Variants in LTBP1 observed in about 807,000 individuals in gnomAD.
The protein encoded by LTBP1 is latent-transforming growth factor beta-binding protein 1.
In LTBP1, 129 loss-of-function variants were observed where a neutral mutation model predicts 207.6. The observed-to-expected ratio is 0.62, with a 90% CI of 0.54 to 0.72. LTBP1 has a LOEUF of 0.72. Ranked by LOEUF, LTBP1 falls within the 30% of genes least tolerant of loss-of-function variation. The pLI, the probability that LTBP1 is intolerant of heterozygous loss-of-function variation, is 0.00. For missense variants in LTBP1, 2,281 were observed against 2,217.2 expected, an observed-to-expected ratio of 1.03 and a Z score of -0.58; for synonymous variants, 963 against 833.7, an observed-to-expected ratio of 1.16 and a Z score of -2.67.
At chr2:33,211,088 A>G (rs963068291) in intron 7 of LTBP1, among the ~76,000 whole-genome samples, 7 of 152,298 alleles carry the variant, frequency 4.6e-5, no homozygotes, top group African/African-American at 1.2e-4. Flanking sequence ...TAATAAAATG[A>G]GTTATATACA....
At chr2:33,347,299 A>G (rs1022311614) in intron 25 of LTBP1, 68 bp from the exon 26 acceptor site, 2 of 1,589,340 alleles carry the variant, frequency 1.3e-6, no homozygotes, top group Non-Finnish European at 1.7e-6. Context: ...GCCCTGGCAC[A>G]GCTGGTAAAA....
At chr2:33,141,211 G>C (rs1198788384) in intron 5 of LTBP1, among the ~76,000 whole-genome samples, 1 of 152,194 alleles carries the variant, frequency 6.6e-6, no homozygotes, top group Non-Finnish European at 1.5e-5. Flanking sequence ...AATACAGTAT[G>C]AGTCCATTTA....
chr2:33,375,415 T>G (rs961269654), intron 31 of LTBP1, among the ~76,000 whole-genome samples: 4 of 152,218 alleles, frequency 2.6e-5, no homozygotes, highest in Admixed American at 1.3e-4. Flanking sequence ...CGAATACCCC[T>G]GTGTACTTGC....
intron 24 of LTBP1, among the ~76,000 whole-genome samples, chr2:33,317,030 TA>T (rs1573801315): frequency 6.6e-6 from 1 of 152,230 alleles, no homozygotes; most frequent in African/African-American, 2.4e-5. Context: ...TCCAAAAGAA[TA>T]TACTAAACAT....
chr2:33,237,306 G>A (rs77482202), intron 9 of LTBP1, among the ~76,000 whole-genome samples: 4,532 of 152,224 alleles, frequency 0.03, 229 homozygotes, highest in African/African-American at 0.1. Context: ...TATAGAATAG[G>A]CAGTGTTTCT....
In LTBP1 at chr2:33,218,095, A is replaced by G. The variant is rs182510259; in HGVS notation, c.1804+441A>G. ...GTTTTTGTTATATTATCGGTTTTCA[A>G]ATTTCATTAAAAGGAAAGCTAAAAT... On this transcript the variant is annotated intron_variant, in intron 8 of 33. Transcript: ENST00000404816. 1.5e-4 allele frequency among the ~76,000 whole-genome samples: 23 copies of G among 152,340 alleles called. 1 individual carries two copies. The East Asian group carries it at 4.4e-3, about 29-fold the overall frequency.
At chr2:32,992,364 G>A (rs1684548117) in intron 2 of LTBP1, among the ~76,000 whole-genome samples, 1 of 152,198 alleles carries the variant, frequency 6.6e-6, no homozygotes, top group African/African-American at 2.4e-5. Context: ...GGATATTTTT[G>A]CAGGTTGAGA....
At position 32,947,453 on chromosome 2, in the gene LTBP1, G is replaced by A; in HGVS notation, c.129G>A (p.Leu43=). Residue 43 remains leucine, a synonymous_variant, in exon 1 of 34, where the codon TTG becomes TTA. Coordinates refer to ENST00000404816, the MANE Select transcript of LTBP1 (RefSeq NM_206943.4). ...GCCCCGGCCTGGCAGCCGGCGCCTTGCCCCTGAGCGGGCCCCCGCGTTCGC... is the reference window on the plus strand; with the variant it reads ...GCCCCGGCCTGGCAGCCGGCGCCTTACCCCTGAGCGGGCCCCCGCGTTCGC... The part of the protein sequence containing the change: ...HPGPGLAAGA[L]PLSGPPRSRT... 4.2e-6 allele frequency: 6 copies of A among 1,443,022 alleles called. No individual in the cohort carries two copies. Among genetic ancestry groups the A allele is most frequent in the Non-Finnish European group, 4.5e-6 (5 of 1,100,522 alleles). The allele number at this position is 1,443,022 out of a possible 1,614,324, so 89.4% of individuals were successfully genotyped here. A position where few individuals can be genotyped will look rare whatever the true frequency, so the allele number is the denominator to read the frequency against.
chr2:33,019,635 A>G (rs975698378), intron 2 of LTBP1, among the ~76,000 whole-genome samples: 1 of 146,390 alleles, frequency 6.8e-6, no homozygotes, highest in Non-Finnish European at 1.5e-5. Context: ...GTGCCCAGCC[A>G]GTAGCATCTA....
intron 23 of LTBP1, among the ~76,000 whole-genome samples, chr2:33,311,974 C>A (rs991655707): frequency 6.6e-6 from 1 of 152,134 alleles, no homozygotes; most frequent in African/African-American, 2.4e-5. Flanking sequence ...TGAAGTAGGT[C>A]TTAGTACTGT....
intron 5 of LTBP1, among the ~76,000 whole-genome samples, chr2:33,184,783 T>G (rs963522797): frequency 2.4e-3 from 6 of 2,488 alleles, no homozygotes; most frequent in South Asian, 0.12. Context: ...TATTTTCTGT[T>G]TTTTTTTTTT....
intron 24 of LTBP1, among the ~76,000 whole-genome samples, chr2:33,334,288 G>A (rs969158678): frequency 6.6e-5 from 10 of 152,244 alleles, no homozygotes; most frequent in Admixed American, 2.6e-4. Flanking sequence ...ATGGACAAGC[G>A]CAGACAGCAC....
At chr2:33,206,258 A>G (rs750217658) in intron 7 of LTBP1, among the ~76,000 whole-genome samples, 1 of 152,212 alleles carries the variant, frequency 6.6e-6, no homozygotes, top group Non-Finnish European at 1.5e-5. Flanking sequence ...ACCAAACCAC[A>G]GGTAATTATT....
chr2:32,962,510 G>C (rs573406880), intron 2 of LTBP1, among the ~76,000 whole-genome samples: 6 of 152,196 alleles, frequency 3.9e-5, no homozygotes, highest in Non-Finnish European at 5.9e-5. Context: ...CCTCAGTAAG[G>C]TTTCTTGATT....
chr2:33,107,715 A>T (rs1218249717), intron 3 of LTBP1, among the ~76,000 whole-genome samples: 1 of 152,158 alleles, frequency 6.6e-6, no homozygotes, highest in African/African-American at 2.4e-5. Context: ...ATATCTTTTT[A>T]ATTTCTTACC....
intron 5 of LTBP1, among the ~76,000 whole-genome samples, chr2:33,145,752 TAATGCC>T (rs1442526016): frequency 2.0e-5 from 3 of 152,202 alleles, no homozygotes; most frequent in Non-Finnish European, 4.4e-5. Flanking sequence ...AAAATAACAT[TAATGCC>T]AAAATTGTGT....
intron 31 of LTBP1, among the ~76,000 whole-genome samples, chr2:33,378,223 T>G (rs1039151919): frequency 2.7e-3 from 310 of 116,624 alleles, no homozygotes; most frequent in African/African-American, 9.6e-3. Flanking sequence ...GTGTGTGTGT[T>G]TTGTTTGTTT....
At chr2:33,382,436 ACTCT>A (rs144825062) in intron 31 of LTBP1, among the ~76,000 whole-genome samples, 1 of 151,320 alleles carries the variant, frequency 6.6e-6, no homozygotes, top group Non-Finnish European at 1.5e-5. Flanking sequence ...CATGCTTATG[ACTCT>A]CTCTGAGTTA....
chr2:33,318,578 C>T lies in LTBP1; in HGVS notation c.3730+3309C>T, dbSNP rs889769044. ...AACGTGTCATATATAATATAATACA[C>T]AGGATATTTTTTTCAAATCCCAGAC... On this transcript the variant is annotated intron_variant, in intron 24 of 33. Transcript: ENST00000404816. Among the ~76,000 whole-genome samples the T allele has an allele frequency of 2.6e-5, 4 of 152,078 alleles. No homozygotes were observed. The South Asian group carries it at 6.2e-4, about 24-fold the overall frequency.
Sources: allele counts gnomAD v4.1 joint callset (sites outside exome capture counted in the v4.1 genomes callset), GRCh38; gene constraint gnomAD v4.1.1; transcripts MANE v1.5; gene names NCBI Gene and HGNC (gene_info 2026-07-23, HGNC 2026-07-21).